The following BCO2 variants were observed in gnomAD, a reference collection of about 807,000 sequenced individuals.
BCO2 encodes the protein carotenoid-cleaving dioxygenase, mitochondrial.
In BCO2, 56 loss-of-function variants were observed where a neutral mutation model predicts 65.8. The ratio of observed to expected loss-of-function variants is 0.85; its 90% confidence interval spans 0.69 to 1.06. The LOEUF (loss-of-function observed/expected upper bound fraction) is 1.06. Ranked by LOEUF, BCO2 falls within the 50% of genes least tolerant of loss-of-function variation. The probability of loss-of-function intolerance (pLI) is 0.00; values close to 1 mark genes in which losing one functional copy is unlikely to be tolerated. For missense variants in BCO2, 675 were observed against 698.5 expected (o/e 0.97, Z 0.38); for synonymous variants, 233 against 242.3 (o/e 0.96, Z 0.36).
chr11:112,216,134 A>C, intron 10 of BCO2, 86 bp from the exon 11 acceptor site: 1 of 894,484 alleles, frequency 1.1e-6, no homozygotes, highest in Non-Finnish European at 1.8e-6. Context: ...CATCACAGCC[A>C]AATTCATGCT....
At chr11:112,191,892 T>C (rs1426279814) in intron 2 of BCO2, among the ~76,000 whole-genome samples, 2 of 152,216 alleles carry the variant, frequency 1.3e-5, no homozygotes, top group East Asian at 1.9e-4. Flanking sequence ...TTTTCTTTTT[T>C]CTTTCCTGCA....
In BCO2 at chr11:112,214,848, C is replaced by A; in HGVS notation, c.1419C>A (p.Phe473Leu). ...TTCCTCAGATCTACTATGATCGATT[C>A]AGTGGCAAAAAGTATCATTTCTTTT... is the stretch of plus-strand genomic sequence containing the variant. ...IEFPQIYYDR[F>L]SGKKYHFFYG... The change falls in exon 10 of 12, where the codon TTC becomes TTA. Residue 473 changes from phenylalanine to leucine, a missense_variant. Physicochemically the swap from Phe to Leu is conservative, Grantham distance 22 (BLOSUM62 0). Transcript: ENST00000357685. 1 of 1,614,026 alleles carries A rather than the reference C, an allele frequency of 6.2e-7. No individual in the cohort carries two copies. Among genetic ancestry groups the A allele is most frequent in the Non-Finnish European group, 8.5e-7 (1 of 1,179,898 alleles).
At chr11:112,185,774 G>A (rs1210142296) in intron 2 of BCO2, among the ~76,000 whole-genome samples, 5 of 152,114 alleles carry the variant, frequency 3.3e-5, no homozygotes, top group South Asian at 2.1e-4. Flanking sequence ...GTAAAATATA[G>A]ATAACATACA....
intron 10 of BCO2, chr11:112,215,341 A>C: frequency 4.0e-6 from 1 of 249,442 alleles, no homozygotes; most frequent in South Asian, 4.9e-5. Context: ...TACTTTTGGA[A>C]TATTCTATTG....
At chr11:112,186,893 T>C (rs1264750595) in intron 2 of BCO2, among the ~76,000 whole-genome samples, 1 of 152,146 alleles carries the variant, frequency 6.6e-6, no homozygotes, top group African/African-American at 2.4e-5. Context: ...GAATACTAAA[T>C]AGCGTCAGCA....
intron 2 of BCO2, chr11:112,181,533 C>T (rs1460731079): frequency 2.7e-6 from 2 of 740,396 alleles, no homozygotes; most frequent in African/African-American, 1.7e-5. Context: ...TTTTGAACTA[C>T]TTGCATCGTG....
intron 8 of BCO2, 138 bp from the exon 9 acceptor site, chr11:112,213,586 A>G (rs1321934383): frequency 1.0e-6 from 1 of 967,954 alleles, no homozygotes; most frequent in Non-Finnish European, 1.6e-6. Context: ...CTCAACAAAT[A>G]TTAAGTAGAT....
intron 5 of BCO2, among the ~76,000 whole-genome samples, chr11:112,197,393 C>T (rs929083273): frequency 1.3e-5 from 2 of 151,872 alleles, no homozygotes; most frequent in East Asian, 3.9e-4. Flanking sequence ...ACAAAAAATA[C>T]AAAAATTAGC....
At position 112,183,033 on chromosome 11, in the gene BCO2, T is replaced by C. The variant is rs1867099895; in HGVS notation, c.293+3551T>C. ...ATTAAAAAATGCAAAGTTGAAGAAC[T>C]GTAACCTCAGAGGAGCGACTCTGGC... On this transcript the variant is annotated intron_variant, in intron 2 of 11. Transcript: ENST00000357685. The C allele has an allele frequency of 4.4e-6, 5 of 1,133,352 alleles. No individual in the cohort carries two copies. In the South Asian group the frequency reaches 4.9e-5, roughly 11 times the overall value. The allele number at this position is 1,133,352 out of a possible 1,614,324, so 70.2% of individuals were successfully genotyped here. A position where few individuals can be genotyped will look rare whatever the true frequency, so the allele number is the denominator to read the frequency against.
At chr11:112,214,702 T>C in intron 9 of BCO2, 60 bp from the exon 10 acceptor site, 1 of 1,444,698 alleles carries the variant, frequency 6.9e-7, no homozygotes, top group South Asian at 1.2e-5. Context: ...CTCACTGACC[T>C]ACATAAGAGG....
At chr11:112,181,695 C>T (rs541314513) in intron 2 of BCO2, 10 of 976,606 alleles carry the variant, frequency 1.0e-5, no homozygotes, top group Middle Eastern at 3.2e-4. Flanking sequence ...GGAATTTGTC[C>T]GATTTTTACT....
At chr11:112,175,916 A>G in intron 1 of BCO2, 1 of 434,218 alleles carries the variant, frequency 2.3e-6, no homozygotes. Flanking sequence ...ATTTTATGCA[A>G]TATTTAAGGC....
intron 2 of BCO2, among the ~76,000 whole-genome samples, chr11:112,188,901 G>C (rs1262759121): frequency 6.6e-6 from 1 of 152,080 alleles, no homozygotes; most frequent in Non-Finnish European, 1.5e-5. Flanking sequence ...TGAATGCATG[G>C]AATGACAGGA....
In BCO2 at chr11:112,190,490, A is replaced by C. The variant is rs117460736; in HGVS notation, c.294-2984A>C. On this transcript the variant is annotated intron_variant, in intron 2 of 11. Coordinates refer to ENST00000357685, the MANE Select transcript of BCO2 (RefSeq NM_031938.7). Reference sequence around the variant, plus strand: ...AGTAAGTTCCAGGAAAAATAATCACAGAATTATCTCCATAGATGTTGAAAA... The same window carrying C: ...AGTAAGTTCCAGGAAAAATAATCACCGAATTATCTCCATAGATGTTGAAAA... Among the ~76,000 whole-genome samples, 1,093 of 152,330 alleles carry C rather than the reference A, an allele frequency of 7.2e-3. 31 individuals are homozygous for C. The highest frequency in any genetic ancestry group is 0.033 in the Admixed American group (498 of 15,294).
At chr11:112,200,973 T>C (rs193270224) in intron 7 of BCO2, among the ~76,000 whole-genome samples, 200 bp downstream of exon 7, 32 of 152,230 alleles carry the variant, frequency 2.1e-4, no homozygotes, top group African/African-American at 7.0e-4. Context: ...TTATAGGAAA[T>C]GATTTTATCT....
intron 2 of BCO2, chr11:112,180,944 G>T (rs1867023786): frequency 8.8e-7 from 1 of 1,136,592 alleles, no homozygotes; most frequent in East Asian, 2.3e-5. Flanking sequence ...TTTGAACAGG[G>T]ATGATGATGT....
intron 8 of BCO2, among the ~76,000 whole-genome samples, chr11:112,203,960 T>A (rs1485040871): frequency 6.6e-6 from 1 of 152,162 alleles, no homozygotes; most frequent in Non-Finnish European, 1.5e-5. Context: ...TTCAAGTGAT[T>A]CTCCTACCTC....
At chr11:112,217,731 TA>T in intron 11 of BCO2, 29 bp from the exon 12 acceptor site, 2 of 1,529,736 alleles carry the variant, frequency 1.3e-6, no homozygotes, top group Non-Finnish European at 1.8e-6. Flanking sequence ...GAAAAAAAGA[TA>T]ATTTTCAATA....
At position 112,213,716 on chromosome 11, in the gene BCO2, C is replaced by T; in HGVS notation, c.1195-8C>T. 6.2e-7 allele frequency: 1 copy of T among 1,611,706 alleles called. No individual in the cohort carries two copies. The highest frequency in any genetic ancestry group is 8.5e-7 in the Non-Finnish European group (1 of 1,178,482). Reference sequence around the variant, plus strand: ...GACAATTTTCATCTCTTTCTTCTTCCCAAACAGGTCCATAATTCAGCAGCC... The same window carrying T: ...GACAATTTTCATCTCTTTCTTCTTCTCAAACAGGTCCATAATTCAGCAGCC... On this transcript the variant is annotated splice_region_variant and splice_polypyrimidine_tract_variant and intron_variant, in intron 8 of 11. Transcript: ENST00000357685.
Sources: allele counts gnomAD v4.1 joint callset (sites outside exome capture counted in the v4.1 genomes callset), GRCh38; gene constraint gnomAD v4.1.1; transcripts MANE v1.5; gene names NCBI Gene and HGNC (gene_info 2026-07-23, HGNC 2026-07-21).